TAFA1: variants seen among roughly 807,000 people sequenced by gnomAD.
TAFA1 encodes the protein TAFA chemokine like family member 1.
In TAFA1, 4 loss-of-function variants were observed where a neutral mutation model predicts 18.5. The observed-to-expected ratio is 0.22, with a 90% confidence interval of 0.11 to 0.49. TAFA1 has a LOEUF of 0.49. Among genes scored for constraint, TAFA1 ranks in the 20% least tolerant of loss-of-function variants. The pLI, the probability that TAFA1 is intolerant of heterozygous loss-of-function variation, is 0.98. For synonymous variants in TAFA1, 56 were observed against 55.2 expected (o/e 1.01, Z -0.06); for missense variants, 147 against 169.0 (o/e 0.87, Z 0.72).
intron 3 of TAFA1, among the ~76,000 whole-genome samples, chr3:68,479,161 G>A (rs2072169628): frequency 6.7e-6 from 1 of 148,240 alleles, no homozygotes; most frequent in Non-Finnish European, 1.5e-5. Context: ...AACCCAGGAG[G>A]TGGAGGTTGC....
At chr3:68,213,587 G>T (rs1234985172) in intron 2 of TAFA1, among the ~76,000 whole-genome samples, 3 of 152,072 alleles carry the variant, frequency 2.0e-5, no homozygotes, top group Non-Finnish European at 2.9e-5. Flanking sequence ...GTATATGAAA[G>T]ATATTAGATC....
chr3:68,503,393 A>G (rs998221324), intron 3 of TAFA1, among the ~76,000 whole-genome samples: 2 of 152,128 alleles, frequency 1.3e-5, no homozygotes, highest in Admixed American at 6.6e-5. Flanking sequence ...AAATGAATGA[A>G]CTTGAAAAAC....
At chr3:68,219,068 T>C (rs961881528) in intron 2 of TAFA1, among the ~76,000 whole-genome samples, 2 of 152,062 alleles carry the variant, frequency 1.3e-5, no homozygotes, top group African/African-American at 4.8e-5. Flanking sequence ...AACTTACCAT[T>C]AGAAATCCTC....
intron 2 of TAFA1, among the ~76,000 whole-genome samples, chr3:68,040,186 A>T (rs1055102365): frequency 7.2e-5 from 11 of 152,208 alleles, no homozygotes; most frequent in Non-Finnish European, 1.6e-4. Flanking sequence ...AACATTTGTA[A>T]CTGGACCTTA....
At chr3:68,481,646 G>T (rs2036812) in intron 3 of TAFA1, among the ~76,000 whole-genome samples, 15,130 of 152,114 alleles carry the variant, frequency 0.099, 2,108 homozygotes, top group African/African-American at 0.3. Context: ...ACCTCCAGGG[G>T]TATTGAGAGA....
intron 2 of TAFA1, chr3:68,145,095 T>C (rs2065721291): frequency 9.9e-6 from 12 of 1,208,472 alleles, no homozygotes; most frequent in Non-Finnish European, 1.4e-5. Flanking sequence ...CCTGGAGGAA[T>C]TGCTACACCC....
intron 3 of TAFA1, among the ~76,000 whole-genome samples, chr3:68,472,080 G>A (rs941669584): frequency 6.6e-6 from 1 of 152,018 alleles, no homozygotes; most frequent in East Asian, 1.9e-4. Flanking sequence ...AGATTTGGGG[G>A]GGACCAGTGA....
At chr3:68,332,140 G>A (rs1013294861) in intron 2 of TAFA1, among the ~76,000 whole-genome samples, 2 of 151,778 alleles carry the variant, frequency 1.3e-5, no homozygotes, top group Non-Finnish European at 2.9e-5. Context: ...TGAGATTACA[G>A]GTGTGAGCCA....
chr3:68,115,278 TAAAG>T (rs1157803038), intron 2 of TAFA1, among the ~76,000 whole-genome samples: 6 of 151,328 alleles, frequency 4.0e-5, no homozygotes, highest in Admixed American at 1.3e-4. Flanking sequence ...ATGAAACTGT[TAAAG>T]AGAGAGAGGC....
At chr3:68,350,993 C>T in intron 2 of TAFA1, among the ~76,000 whole-genome samples, 1 of 152,130 alleles carries the variant, frequency 6.6e-6, no homozygotes, top group East Asian at 1.9e-4. Context: ...GTATTCCCTC[C>T]TAACAGGTGG....
At chr3:68,475,254 A>C (rs2072069309) in intron 3 of TAFA1, among the ~76,000 whole-genome samples, 1 of 151,738 alleles carries the variant, frequency 6.6e-6, no homozygotes. Context: ...GGTGTGCTGC[A>C]CCTATTAACT....
chr3:68,140,730 G>A (rs2065658973), intron 2 of TAFA1, among the ~76,000 whole-genome samples: 1 of 152,202 alleles, frequency 6.6e-6, no homozygotes, highest in Non-Finnish European at 1.5e-5. Flanking sequence ...CACATTGAAG[G>A]TACTCAGTGG....
intron 3 of TAFA1, among the ~76,000 whole-genome samples, chr3:68,489,925 T>C (rs2072418938): frequency 6.6e-6 from 1 of 152,228 alleles, no homozygotes; most frequent in African/African-American, 2.4e-5. Context: ...TGAGCCATCT[T>C]TTTTACTTAA....
the TAFA1 span, among the ~76,000 whole-genome samples, chr3:67,997,722 G>C: frequency 8.6e-6 from 1 of 116,884 alleles, no homozygotes; most frequent in African/African-American, 2.8e-5. Context: ...AAGAAAATAA[G>C]ATATATGTAT....
At chr3:68,389,272 A>T (rs1440219299) in intron 2 of TAFA1, among the ~76,000 whole-genome samples, 1 of 152,122 alleles carries the variant, frequency 6.6e-6, no homozygotes, top group Non-Finnish European at 1.5e-5. Context: ...CTAGGCTCAC[A>T]TTTTTTACCA....
intron 2 of TAFA1, among the ~76,000 whole-genome samples, chr3:68,376,452 T>G (rs780787426): frequency 6.6e-6 from 1 of 152,072 alleles, no homozygotes; most frequent in Non-Finnish European, 1.5e-5. Flanking sequence ...TTCCCCTCAT[T>G]GTGTCCATGT....
chr3:68,150,570 G>C (rs780106261), intron 2 of TAFA1, among the ~76,000 whole-genome samples: 2 of 152,130 alleles, frequency 1.3e-5, no homozygotes, highest in African/African-American at 4.8e-5. Context: ...ACTGGTACTA[G>C]TGGGTTCTTG....
chr3:68,419,098 C>T (rs1229638617), intron 3 of TAFA1, among the ~76,000 whole-genome samples: 1 of 152,164 alleles, frequency 6.6e-6, no homozygotes, highest in Non-Finnish European at 1.5e-5. Context: ...TTGATGTCCT[C>T]ACAACGTGGT....
At chr3:68,520,470 C>G (rs115908779) in intron 3 of TAFA1, among the ~76,000 whole-genome samples, 1,742 of 152,300 alleles carry the variant, frequency 0.011, 32 homozygotes, top group African/African-American at 0.04. Context: ...AGAGCAACTT[C>G]TAAATGCTCT....
Sources: gnomAD v4.1 joint callset for allele counts (sites outside exome capture counted in the v4.1 genomes callset) on GRCh38, gnomAD v4.1.1 for gene constraint, MANE v1.5 for transcripts, NCBI Gene and HGNC (gene_info 2026-07-23, HGNC 2026-07-21) for gene names.